MYH1: variants seen among roughly 807,000 people sequenced by gnomAD.
The protein encoded by MYH1 is myosin-1.
MYH1 carries 214 observed loss-of-function variants against 225.6 expected under a neutral mutation model. The observed-to-expected ratio is 0.95, with a 90% CI of 0.85 to 1.06. The LOEUF is 1.06. Ranked by LOEUF, MYH1 falls within the 50% of genes least tolerant of loss-of-function variation. MYH1 has a pLI of 0.00. For missense variants in MYH1, 2,098 were observed against 2,344.2 expected (o/e 0.89, Z 2.17); for synonymous variants, 774 against 842.3 (o/e 0.92, Z 1.40).
At position 10,500,634 on chromosome 17, in the gene MYH1, G is replaced by C. The variant is rs1173135767; in HGVS notation, c.3857C>G (p.Thr1286Arg). Residue 1286 changes from threonine (T) to arginine (R), a missense_variant, in exon 28 of 40, where the codon ACA becomes AGA. Transcript: ENST00000226207. ...ACTGGTACATGGCCCACCTGATTCT[G>C]TTTGCAGGCGCGCTCTCTGTGCTGT... ...DLTAQRARLQ[T>R]ESGEYSRQLD... The C allele has an allele frequency of 1.2e-6, 2 of 1,613,382 alleles. No individual in the cohort carries two copies. The highest frequency in any genetic ancestry group is 1.1e-5 in the South Asian group (1 of 91,030).
At position 10,507,964 on chromosome 17, in the gene MYH1, GA is replaced by G. The variant is rs1162819584; in HGVS notation, c.1898-9del. On this transcript the variant is annotated splice_polypyrimidine_tract_variant and intron_variant, in intron 16 of 39. Transcript: ENST00000226207. ...TCTTTCCACCGCCAGCCTCTGAGGG[GA>G]AAAAGAAAGCAATCATAGGACAGCC... The G allele has an allele frequency of 6.2e-7, 1 of 1,605,570 alleles. No individual in the cohort carries two copies.
At position 10,513,905 on chromosome 17, in the gene MYH1, C is replaced by T. The variant is rs775523417; in HGVS notation, c.657G>A (p.Leu219=). The T allele has an allele frequency of 6.2e-7, 1 of 1,614,100 alleles. No individual in the cohort carries two copies. Among genetic ancestry groups the T allele is most frequent in the Non-Finnish European group, 8.5e-7 (1 of 1,179,984 alleles). Residue 219 remains leucine, a synonymous_variant, in exon 8 of 40, where the codon CTG becomes CTA. Transcript: ENST00000226207. ...GGTTGGCACTGATGATTTGATCTTC[C>T]AGAGTCCCCTGCAAAGGCAAGAGCA... is the stretch of plus-strand genomic sequence containing the variant. ...EVTSGKMQGT[L]EDQIISANPL...
chr17:10,494,497 C>T, intron 38 of MYH1, 48 bp from the exon 39 acceptor site: 1 of 1,609,652 alleles, frequency 6.2e-7, no homozygotes, highest in South Asian at 1.1e-5. Flanking sequence ...ACAAATATTA[C>T]ATTTTGTCAT....
rs1482937361 is a variant in MYH1, at chr17:10,504,813, T to C, written c.2688A>G (p.Gln896=). The C allele has an allele frequency of 6.2e-7, 1 of 1,613,878 alleles. No homozygotes were observed. Among genetic ancestry groups the C allele is most frequent in the Admixed American group, 1.7e-5 (1 of 59,950 alleles). ...GAAATGACTTCGGGATACTCACAGC[T>C]TGAACCTGGAGTTGCAAGTCATTTT... ...QEKNDLQLQV[Q]AEADSLADAE... is the part of the protein sequence containing the mutation. Residue 896 remains glutamine, a synonymous_variant, in exon 22 of 40, where the codon CAA becomes CAG. Coordinates refer to ENST00000226207, the MANE Select transcript of MYH1 (RefSeq NM_005963.4).
rs1485701475 is a variant in MYH1, at chr17:10,498,763, C to T, written c.4044G>A (p.Arg1348=). 6.2e-7 allele frequency: 1 copy of T among 1,614,086 alleles called. No homozygotes were observed. The highest frequency in any genetic ancestry group is 2.2e-5 in the East Asian group (1 of 44,898). Reference sequence around the variant, plus strand: ...CTTCCTGCTCCTCCTCATACTGTTCCCGCAGCAGGTCACAGTCATGGCGGG... The same window carrying T: ...CTTCCTGCTCCTCCTCATACTGTTCTCGCAGCAGGTCACAGTCATGGCGGG... ...QSSRHDCDLL[R]EQYEEEQEAK... The change falls in exon 30 of 40, where the codon CGG becomes CGA. Residue 1348 remains arginine (R), a synonymous_variant. Coordinates refer to ENST00000226207, the MANE Select transcript of MYH1 (RefSeq NM_005963.4).
chr17:10,498,903 GAA>G, intron 29 of MYH1, 69 bp downstream of exon 29: 1 of 1,604,390 alleles, frequency 6.2e-7, no homozygotes, highest in African/African-American at 1.3e-5. Flanking sequence ...GCCACCAGAA[GAA>G]AGTCTGTAAA....
At chr17:10,492,713 TA>T in intron 39 of MYH1, 145 bp from the exon 40 acceptor site, 1 of 895,674 alleles carries the variant, frequency 1.1e-6, no homozygotes, top group Non-Finnish European at 1.6e-6. Flanking sequence ...CTTGAATTTT[TA>T]TTTTTTTTTA....
At chr17:10,494,764 G>A in intron 37 of MYH1, 91 bp from the exon 38 acceptor site, 1 of 1,585,540 alleles carries the variant, frequency 6.3e-7, no homozygotes, top group Non-Finnish European at 8.6e-7. Context: ...TGCTTTATAT[G>A]TAGTTTTTAA....
At chr17:10,502,207 T>TGGAAG (rs1705100289) in intron 24 of MYH1, among the ~76,000 whole-genome samples, 1 of 152,080 alleles carries the variant, frequency 6.6e-6, no homozygotes, top group African/African-American at 2.4e-5. Flanking sequence ...ATGCTAATAC[T>TGGAAG]TCCAAACCAT....
At chr17:10,495,773 A>AAAAAAAAAAAAAAAAAAAAAAAAAAC (rs2072984775) in intron 35 of MYH1, among the ~76,000 whole-genome samples, 177 bp downstream of exon 35, 1 of 149,776 alleles carries the variant, frequency 6.7e-6, no homozygotes, top group Non-Finnish European at 1.5e-5. Flanking sequence ...AAAAAAAAAA[A>AAAAAAAAAAAAAAAAAAAAAAAAAAC]AAATCAACTA....
intron 19 of MYH1, 33 bp downstream of exon 19, chr17:10,505,779 C>T (rs2073105163): frequency 6.2e-7 from 1 of 1,611,720 alleles, no homozygotes; most frequent in Admixed American, 1.7e-5. Context: ...TAATAAAAAC[C>T]TCTTAAAATA....
In MYH1 at chr17:10,516,183, G is replaced by C. The variant is rs368405835; in HGVS notation, c.348+16C>G. The C allele has an allele frequency of 1.2e-6, 2 of 1,614,050 alleles. No individual in the cohort carries two copies. The highest frequency in any genetic ancestry group is 2.2e-5 in the South Asian group (2 of 91,056). The stretch of plus-strand genomic sequence containing the variant: ...TAACTACTCTCATGAGTAGAAGACC[G>C]TGAGAAAGAACTCACGTAGATCATC... On this transcript the variant is annotated intron_variant, in intron 4 of 39. Transcript: ENST00000226207.
At chr17:10,494,730 A>G in intron 37 of MYH1, 57 bp from the exon 38 acceptor site, 2 of 1,606,748 alleles carry the variant, frequency 1.2e-6, no homozygotes, top group Middle Eastern at 1.7e-4. Flanking sequence ...ACTTCTTCAC[A>G]TGACCCACAT....
At chr17:10,502,409 C>T (rs141888372) in intron 24 of MYH1, among the ~76,000 whole-genome samples, 3,262 of 152,338 alleles carry the variant, frequency 0.021, 48 homozygotes, top group Non-Finnish European at 0.033. Flanking sequence ...CACCCTCCCT[C>T]TTCTTTCTTT....
At position 10,514,899 on chromosome 17, in the gene MYH1, G is replaced by C; in HGVS notation, c.506-4C>G. The C allele has an allele frequency of 6.2e-7, 1 of 1,612,276 alleles. No individual in the cohort carries two copies. Among genetic ancestry groups the C allele is most frequent in the East Asian group, 2.2e-5 (1 of 44,784 alleles). ...AAGATAGACTGATTCTCCCGATCTA[G>C]AAGAAAAACAGTGGAAAATCAGCAT... is the stretch of plus-strand genomic sequence containing the variant. On this transcript the variant is annotated splice_polypyrimidine_tract_variant and splice_region_variant and intron_variant, in intron 5 of 39. Coordinates refer to ENST00000226207, the MANE Select transcript of MYH1 (RefSeq NM_005963.4).
intron 17 of MYH1, among the ~76,000 whole-genome samples, chr17:10,507,144 A>G (rs1231438697): frequency 6.6e-6 from 1 of 151,644 alleles, no homozygotes; most frequent in African/African-American, 2.4e-5. Context: ...GCTCATGGCA[A>G]CCTCTGCCTC....
At chr17:10,494,901 A>G in intron 37 of MYH1, 30 bp downstream of exon 37, 1 of 1,614,040 alleles carries the variant, frequency 6.2e-7, no homozygotes. Flanking sequence ...TTGGAATGAG[A>G]TAGAAATACA....
intron 9 of MYH1, 50 bp from the exon 10 acceptor site, chr17:10,513,015 C>A: frequency 7.6e-7 from 1 of 1,307,918 alleles, no homozygotes; most frequent in South Asian, 1.3e-5. Context: ...ACACAATGTC[C>A]TGGAGTGATT....
chr17:10,511,446 G>A (rs2073169180), intron 14 of MYH1, among the ~76,000 whole-genome samples: 1 of 152,042 alleles, frequency 6.6e-6, no homozygotes, highest in Non-Finnish European at 1.5e-5. Context: ...ACTGTTTACT[G>A]AGTGCTGCCT....
Sources: allele counts gnomAD v4.1 joint callset (sites outside exome capture counted in the v4.1 genomes callset), GRCh38; gene constraint gnomAD v4.1.1; transcripts MANE v1.5; gene names NCBI Gene and HGNC (gene_info 2026-07-23, HGNC 2026-07-21).